DENND5A: variants seen among roughly 807,000 people sequenced by gnomAD.
DENND5A encodes the protein DENN domain-containing protein 5A.
DENND5A carries 64 observed loss-of-function variants against 140.3 expected under a neutral mutation model. The observed-to-expected ratio is 0.46, with a 90% confidence interval of 0.37 to 0.56. The LOEUF is 0.56. Ranked by LOEUF, DENND5A falls within the 20% of genes least tolerant of loss-of-function variation. The probability of loss-of-function intolerance (pLI) is 0.00; values close to 1 mark genes in which losing one functional copy is unlikely to be tolerated. For synonymous variants in DENND5A, 605 were observed against 607.7 expected, an observed-to-expected ratio of 1.00 and a Z score of 0.07; for missense variants, 1,292 against 1,593.8, an observed-to-expected ratio of 0.81 and a Z score of 3.22.
intron 20 of DENND5A, chr11:9,143,186 G>T: frequency 1.6e-6 from 1 of 609,168 alleles, no homozygotes; most frequent in Admixed American, 2.9e-5. Flanking sequence ...GGACTCTATT[G>T]GGTCATCAGT....
chr11:9,153,011 C>A lies in DENND5A; in HGVS notation c.2437-569G>T, dbSNP rs1397683738. Among the ~76,000 whole-genome samples, 22 of 118,820 alleles carry A rather than the reference C, an allele frequency of 1.9e-4. No homozygotes were observed. In the East Asian group the frequency reaches 1.9e-3, roughly 10 times the overall value. 78.0% of individuals were successfully genotyped at this position (118,820 alleles called of 152,430 possible). The stretch of plus-strand genomic sequence containing the variant: ...AGACGCCGTCTCAAAAAAAAAAAAA[C>A]AAAAAAGAAAGAAAGAAAAAAGCAG... On this transcript the variant is annotated intron_variant, in intron 12 of 22. Coordinates refer to ENST00000328194, the MANE Select transcript of DENND5A (RefSeq NM_015213.4).
intron 1 of DENND5A, among the ~76,000 whole-genome samples, chr11:9,233,398 CA>C (rs1001576602): frequency 3.3e-3 from 178 of 54,106 alleles, no homozygotes; most frequent in Middle Eastern, 8.9e-3. Flanking sequence ...GACTCTGTCT[CA>C]AAAAAAAAAA....
chr11:9,188,579 T>C (rs192836322), intron 5 of DENND5A, among the ~76,000 whole-genome samples: 392 of 152,210 alleles, frequency 2.6e-3, no homozygotes, highest in African/African-American at 9.2e-3. Context: ...AATAATGATA[T>C]GGACAATGAA....
intron 1 of DENND5A, among the ~76,000 whole-genome samples, chr11:9,219,387 G>A (rs1311319621): frequency 1.3e-5 from 2 of 152,120 alleles, no homozygotes; most frequent in African/African-American, 2.4e-5. Context: ...GAATCTAGCA[G>A]ACAATGAGGC....
intron 1 of DENND5A, among the ~76,000 whole-genome samples, chr11:9,254,025 G>A (rs1310524429): frequency 4.6e-5 from 7 of 152,004 alleles, no homozygotes; most frequent in South Asian, 4.2e-4. Flanking sequence ...GCATGGTGGC[G>A]CATGCCTATA....
chr11:9,258,597 C>A (rs1276109710), intron 1 of DENND5A, among the ~76,000 whole-genome samples: 1 of 133,602 alleles, frequency 7.5e-6, no homozygotes, highest in African/African-American at 2.6e-5. Context: ...GAAACAGAAA[C>A]CTGGACTAGA....
At chr11:9,190,659 G>A (rs939940656) in intron 5 of DENND5A, among the ~76,000 whole-genome samples, 2 of 152,038 alleles carry the variant, frequency 1.3e-5, no homozygotes, top group African/African-American at 4.8e-5. Context: ...GTGTAAAAAT[G>A]GACTAATACA....
At chr11:9,212,145 G>A (rs529566809) in intron 1 of DENND5A, among the ~76,000 whole-genome samples, 4 of 152,198 alleles carry the variant, frequency 2.6e-5, no homozygotes, top group Non-Finnish European at 5.9e-5. Context: ...AGCACTTTGG[G>A]AGGCCAAGGT....
chr11:9,179,502 T>TTTC (rs1848655427), intron 6 of DENND5A, among the ~76,000 whole-genome samples: 1 of 147,852 alleles, frequency 6.8e-6, no homozygotes, highest in Non-Finnish European at 1.5e-5. Flanking sequence ...AAAAAAACCT[T>TTTC]TTTTTTTTTT....
At chr11:9,195,034 T>TG (rs1398875393) in intron 4 of DENND5A, among the ~76,000 whole-genome samples, 2 of 148,524 alleles carry the variant, frequency 1.3e-5, no homozygotes, top group Non-Finnish European at 3.0e-5. Flanking sequence ...TTTTTTTTTT[T>TG]TTAATGACTA....
rs779522112 is a variant in DENND5A at position 9,164,194 on chromosome 11, ATTTTTTTTTTTTTTTTTTTTTTTT to A, written c.2283+1618_2283+1641del. Reference sequence around the variant, plus strand: ...CTAAAGGTGTGCACCACCACGCCTAATTTTTTTTTTTTTTTTTTTTTTTTTTTTTTTTTTTTTTAGTAGAGATGA... The same window carrying A: ...CTAAAGGTGTGCACCACCACGCCTAATTTTTTTTTTTTTTAGTAGAGATGA... On this transcript the variant is annotated intron_variant, in intron 11 of 22. Transcript: ENST00000328194. 5.1e-5 allele frequency among the ~76,000 whole-genome samples: 4 copies of A among 79,066 alleles called. No homozygotes were observed. In the East Asian group the frequency reaches 2.2e-3, roughly 43 times the overall value. 51.9% of individuals were successfully genotyped at this position (79,066 alleles called of 152,430 possible). A position where few individuals can be genotyped will look rare whatever the true frequency, so the allele number is the denominator to read the frequency against.
chr11:9,195,976 A>G (rs1423682434), intron 4 of DENND5A, among the ~76,000 whole-genome samples: 1 of 152,142 alleles, frequency 6.6e-6, no homozygotes, highest in Non-Finnish European at 1.5e-5. Flanking sequence ...TTTTTGAGAC[A>G]AAGTCTCGCT....
chr11:9,183,999 C>T (rs535808983), intron 5 of DENND5A, among the ~76,000 whole-genome samples: 52 of 151,240 alleles, frequency 3.4e-4, no homozygotes, highest in African/African-American at 1.3e-3. Context: ...TGCAGGGAGC[C>T]GAGATCATGC....
chr11:9,254,012 C>T (rs1033322691), intron 1 of DENND5A, among the ~76,000 whole-genome samples: 25 of 152,038 alleles, frequency 1.6e-4, no homozygotes, highest in African/African-American at 6.0e-4. Flanking sequence ...ACAAATTAGC[C>T]AGGCATGGTG....
chr11:9,220,429 C>G (rs975797505), intron 1 of DENND5A, among the ~76,000 whole-genome samples: 7 of 152,004 alleles, frequency 4.6e-5, no homozygotes, highest in Non-Finnish European at 8.8e-5. Flanking sequence ...TGCCCGTAAT[C>G]CCAGCTACTT....
intron 1 of DENND5A, among the ~76,000 whole-genome samples, chr11:9,258,349 TC>T (rs1852042736): frequency 7.5e-6 from 1 of 132,622 alleles, no homozygotes; most frequent in African/African-American, 2.8e-5. Context: ...ATTGTTCAAC[TC>T]CCACTTATGA....
At chr11:9,168,244 G>T (rs1267528345) in intron 10 of DENND5A, among the ~76,000 whole-genome samples, 1 of 151,944 alleles carries the variant, frequency 6.6e-6, no homozygotes, top group Non-Finnish European at 1.5e-5. Context: ...GAGTCACGGG[G>T]GTAGATCTTT....
At chr11:9,176,591 A>G (rs1408993843) in intron 8 of DENND5A, among the ~76,000 whole-genome samples, 1 of 152,210 alleles carries the variant, frequency 6.6e-6, no homozygotes, top group Non-Finnish European at 1.5e-5. Flanking sequence ...CTCTGTCCTT[A>G]AGCTGTTCCC....
At chr11:9,236,743 AAGG>A (rs939404754) in intron 1 of DENND5A, among the ~76,000 whole-genome samples, 1 of 150,778 alleles carries the variant, frequency 6.6e-6, no homozygotes, top group Non-Finnish European at 1.5e-5. Flanking sequence ...AAAAGATGAA[AAGG>A]AAGAGAGAGT....
Sources: gnomAD v4.1 joint callset for allele counts (sites outside exome capture counted in the v4.1 genomes callset) on GRCh38, gnomAD v4.1.1 for gene constraint, MANE v1.5 for transcripts, NCBI Gene and HGNC (gene_info 2026-07-23, HGNC 2026-07-21) for gene names.